Variants in GNA12 observed in about 807,000 individuals in gnomAD.
The protein encoded by GNA12 is guanine nucleotide-binding protein subunit alpha-12.
GNA12 carries 9 observed loss-of-function variants against 26.0 expected under a neutral mutation model. That is an observed-to-expected ratio of 0.35 (90% CI 0.21 to 0.60). The LOEUF (loss-of-function observed/expected upper bound fraction) is 0.60, where lower values mean the gene tolerates loss of function less well. GNA12 is among the 20% of genes least tolerant of loss of function. GNA12 has a pLI of 0.78. For synonymous variants in GNA12, 264 were observed against 219.6 expected, an observed-to-expected ratio of 1.20 and a Z score of -1.79; for missense variants, 405 against 525.8, an observed-to-expected ratio of 0.77 and a Z score of 2.25.
chr7:2,792,219 TCCATGAATGCA>T (rs1245304352), intron 2 of GNA12, among the ~76,000 whole-genome samples: 1 of 152,190 alleles, frequency 6.6e-6, no homozygotes, highest in Non-Finnish European at 1.5e-5. Context: ...CAGTAGGTGA[TCCATGAATGCA>T]GAATGAATGA....
intron 2 of GNA12, among the ~76,000 whole-genome samples, chr7:2,737,853 T>C (rs372830837): frequency 1.1e-4 from 16 of 152,318 alleles, no homozygotes; most frequent in African/African-American, 3.6e-4. Context: ...TTCCACTGAA[T>C]AGAGACGCTA....
chr7:2,795,880 G>C (rs531783033), intron 1 of GNA12, among the ~76,000 whole-genome samples: 1 of 151,260 alleles, frequency 6.6e-6, no homozygotes, highest in South Asian at 2.1e-4. Flanking sequence ...GAGTGCAATG[G>C]AGTGATCTCG....
Position 2,753,229 on chromosome 7 carries a change from A to G in GNA12, c.526-19728T>C, listed in dbSNP as rs1483772803. 2.0e-5 allele frequency among the ~76,000 whole-genome samples: 3 copies of G among 152,132 alleles called. No homozygotes were observed. In the South Asian group the frequency reaches 6.2e-4, roughly 32 times the overall value. On this transcript the variant is annotated intron_variant, in intron 2 of 3. Transcript: ENST00000275364. ...GAATGCAGCGGCATGATCATGGCTC[A>G]CTGCAAACTCTCCTCCCAGGCTCAA... is the stretch of plus-strand genomic sequence containing the variant.
intron 2 of GNA12, chr7:2,763,044 G>C (rs547878062): frequency 8.0e-7 from 1 of 1,248,096 alleles, no homozygotes; most frequent in African/African-American, 1.5e-5. Context: ...TCAGCGTGCC[G>C]TTCCTCCAGG....
chr7:2,790,167 C>G (rs898765111), intron 2 of GNA12, among the ~76,000 whole-genome samples: 1 of 152,220 alleles, frequency 6.6e-6, no homozygotes, highest in African/African-American at 2.4e-5. Context: ...AGAAAAGTCT[C>G]CTCCAAAGCA....
rs1237667069 is a variant in GNA12, at chr7:2,844,256, C to T, written c.-95G>A. Reference sequence around the variant, plus strand: ...GCCCGGGCCGAGGCACCGCCCCACGCCCCGCCGCTCGCCTCAGGCCGCGTC... The same window carrying T: ...GCCCGGGCCGAGGCACCGCCCCACGTCCCGCCGCTCGCCTCAGGCCGCGTC... On this transcript the variant is annotated 5_prime_UTR_variant, in exon 1 of 4. Coordinates refer to ENST00000275364, the MANE Select transcript of GNA12 (RefSeq NM_007353.3). 6 of 549,982 alleles carry T rather than the reference C, an allele frequency of 1.1e-5. No homozygotes were observed. The highest frequency in any genetic ancestry group is 1.5e-4 in the South Asian group (2 of 13,714). The allele number at this position is 549,982 out of a possible 1,614,324, so 34.1% of individuals were successfully genotyped here. A position where few individuals can be genotyped will look rare whatever the true frequency, so the allele number is the denominator to read the frequency against.
chr7:2,762,500 T>C, intron 2 of GNA12: 1 of 853,428 alleles, frequency 1.2e-6, no homozygotes, highest in Non-Finnish European at 1.7e-6. Context: ...GAGGTGTGAG[T>C]AGCCTAACTG....
rs952696779 is a variant in GNA12 at position 2,731,703 on chromosome 7, G to A, written c.624C>T (p.Thr208=). The part of the protein sequence containing the change: ...KQDILLARKA[T]KGIVEHDFVI... ...CGAAGTCATGCTCCACAATTCCCTTGGTGGCTTTCCTAGCCAGCAGGATAT... is the reference window on the plus strand; with the variant it reads ...CGAAGTCATGCTCCACAATTCCCTTAGTGGCTTTCCTAGCCAGCAGGATAT... The change falls in exon 4 of 4, where the codon ACC becomes ACT. Residue 208 remains threonine (T), a synonymous_variant. Transcript: ENST00000275364. This position sits in a 1 kb window ranked among gnomAD's most constrained non-coding sequence, Gnocchi z 6.0. 1 of 1,587,420 alleles carries A rather than the reference G, an allele frequency of 6.3e-7. No homozygotes were observed. The highest frequency in any genetic ancestry group is 1.1e-5 in the South Asian group (1 of 88,500).
chr7:2,737,269 GTTTTGTTTTTTTT>G (rs1402031548), intron 2 of GNA12, among the ~76,000 whole-genome samples: 1 of 38,112 alleles, frequency 2.6e-5, no homozygotes, highest in African/African-American at 9.4e-5. Context: ...TCACAGTTTT[GTTTTGTTTTTTTT>G]TTTTTTGTTT....
intron 1 of GNA12, among the ~76,000 whole-genome samples, chr7:2,813,769 C>G: frequency 6.6e-6 from 1 of 152,182 alleles, no homozygotes; most frequent in Admixed American, 6.5e-5. Context: ...GACCCCTTGT[C>G]CAGAAGGTGT....
intron 1 of GNA12, among the ~76,000 whole-genome samples, chr7:2,797,761 T>G (rs78945969): frequency 1.0e-3 from 158 of 152,228 alleles, no homozygotes; most frequent in African/African-American, 3.6e-3. Flanking sequence ...TGCTCCCTGA[T>G]TTTCCCCTCA....
At chr7:2,801,824 A>C (rs1334713679) in intron 1 of GNA12, among the ~76,000 whole-genome samples, 1 of 152,128 alleles carries the variant, frequency 6.6e-6, no homozygotes, top group Non-Finnish European at 1.5e-5. Flanking sequence ...CTACTTGGGG[A>C]CATTTGGCTA....
At chr7:2,820,125 T>C (rs1793317036) in intron 1 of GNA12, among the ~76,000 whole-genome samples, 1 of 152,168 alleles carries the variant, frequency 6.6e-6, no homozygotes, top group Non-Finnish European at 1.5e-5. Context: ...GACAACATAC[T>C]GTATGATTCC....
chr7:2,823,955 G>T (rs1793424312), intron 1 of GNA12, among the ~76,000 whole-genome samples: 1 of 152,192 alleles, frequency 6.6e-6, no homozygotes, highest in Non-Finnish European at 1.5e-5. Context: ...TTACATGTTA[G>T]TGTCATTACC....
At chr7:2,799,278 C>T (rs569158343) in intron 1 of GNA12, among the ~76,000 whole-genome samples, 1 of 152,272 alleles carries the variant, frequency 6.6e-6, no homozygotes, top group South Asian at 2.1e-4. Flanking sequence ...TATACAAGGA[C>T]ATTCAAAACT....
At chr7:2,794,903 C>T in intron 2 of GNA12, 25 bp downstream of exon 2, 1 of 1,522,142 alleles carries the variant, frequency 6.6e-7, no homozygotes, top group Non-Finnish European at 9.1e-7. Context: ...TATCAGGTGC[C>T]CAGCAAGAAG....
At chr7:2,823,194 G>A (rs2114964902) in intron 1 of GNA12, among the ~76,000 whole-genome samples, 1 of 152,252 alleles carries the variant, frequency 6.6e-6, no homozygotes, top group East Asian at 1.9e-4. Context: ...TCCAGAGACG[G>A]CCCCATACCC....
chr7:2,835,685 A>G, intron 1 of GNA12: 1 of 1,065,824 alleles, frequency 9.4e-7, no homozygotes, highest in Non-Finnish European at 1.5e-6. Context: ...GAGCAACAAA[A>G]GATAAACAAA....
Position 2,733,597 on chromosome 7 carries a change from C to T in GNA12, c.526-96G>A, listed in dbSNP as rs192420242. 7.0e-5 allele frequency: 64 copies of T among 910,496 alleles called. 1 individual carries two copies. Among genetic ancestry groups the T allele is most frequent in the East Asian group, 5.2e-4 (20 of 38,634 alleles). The allele number at this position is 910,496 out of a possible 1,614,324, so 56.4% of individuals were successfully genotyped here. A position where few individuals can be genotyped will look rare whatever the true frequency, so the allele number is the denominator to read the frequency against. On this transcript the variant is annotated intron_variant, in intron 2 of 3. Transcript: ENST00000275364. ...GAACAGGGTAAGAGCAGTGGCATTT[C>T]GCCTCCGTGTGAATGGGAAAGCAAA...
Sources: allele counts gnomAD v4.1 joint callset (sites outside exome capture counted in the v4.1 genomes callset), GRCh38; gene constraint gnomAD v4.1.1; non-coding constraint Gnocchi (gnomAD v3.1); transcripts MANE v1.5; gene names NCBI Gene and HGNC (gene_info 2026-07-23, HGNC 2026-07-21).